The following FANCD2 variants were observed in gnomAD, a reference collection of about 807,000 sequenced individuals.
The protein encoded by FANCD2 is FA complementation group D2.
A neutral mutation model predicts 192.3 loss-of-function variants in FANCD2; 131 were observed. That is an observed-to-expected ratio of 0.68 (90% CI 0.59 to 0.79). FANCD2 has a LOEUF of 0.79. Among genes scored for constraint, FANCD2 ranks in the 30% least tolerant of loss-of-function variants. The pLI, the probability that FANCD2 is intolerant of heterozygous loss-of-function variation, is 0.00. For synonymous variants in FANCD2, 524 were observed against 612.5 expected (o/e 0.86, Z 2.13); for missense variants, 1,508 against 1,701.6 (o/e 0.89, Z 2.00).
chr3:10,099,723 A>G (rs1255924009), intron 43 of FANCD2: 1 of 152,444 alleles, frequency 6.6e-6, no homozygotes, highest in Non-Finnish European at 1.5e-5. Context: ...ATGCTACTGC[A>G]CTCCAGCCTG....
Position 10,035,158 on chromosome 3 carries a change from C to CTT in FANCD2, c.378-6_378-5dup, listed in dbSNP as rs55973240. On this transcript the variant is annotated splice_polypyrimidine_tract_variant and intron_variant, in intron 5 of 43. Coordinates refer to ENST00000675286, the MANE Select transcript of FANCD2 (RefSeq NM_001018115.3). ...GGAAAGCAAAGTGGAAAACAGATTT[C>CTT]TTTTTTTTTTACAGTATGGGTGCAT... 7 of 1,435,516 alleles carry CTT rather than the reference C, an allele frequency of 4.9e-6. No individual in the cohort carries two copies. In the Admixed American group the frequency reaches 7.3e-5, roughly 15 times the overall value. 88.9% of individuals were successfully genotyped at this position (1,435,516 alleles called of 1,614,324 possible).
At position 10,043,087 on chromosome 3, in the gene FANCD2, A is replaced by G; in HGVS notation, c.926A>G (p.His309Arg). 10 of 1,614,130 alleles carry G rather than the reference A, an allele frequency of 6.2e-6. No individual in the cohort carries two copies. Among genetic ancestry groups the G allele is most frequent in the Non-Finnish European group, 8.5e-6 (10 of 1,180,018 alleles). The change falls in exon 12 of 44, where the codon CAT (histidine) becomes CGT (arginine). Residue 309 changes from histidine (H) to arginine (R), a missense_variant. Physicochemically the swap from His to Arg is conservative, Grantham distance 29 (BLOSUM62 0). This residue lies in a region of FANCD2 where 435 missense variants were observed against 421.9 expected (regional missense o/e 1.03). Coordinates refer to ENST00000675286, the MANE Select transcript of FANCD2 (RefSeq NM_001018115.3). ...SELREKLDLQ[H>R]CVLPSRLQAS... ...CTTCGGGAGAAGTTGGATCTGCAGC[A>G]TTGTGTTTTGCCATCACGGTTACAG...
At position 10,093,780 on chromosome 3, in the gene FANCD2, A is replaced by G. The variant is rs1303350693; in HGVS notation, c.3888+457A>G. On this transcript the variant is annotated intron_variant, in intron 39 of 43. Coordinates refer to ENST00000675286, the MANE Select transcript of FANCD2 (RefSeq NM_001018115.3). ...AGTCCAGTCAGAATGTTATGGGGAG[A>G]ATGCTACTTCGCCACTCCTCAAGTT... Among the ~76,000 whole-genome samples, 4 of 152,158 alleles carry G rather than the reference A, an allele frequency of 2.6e-5. No individual in the cohort carries two copies. In the East Asian group the frequency reaches 7.7e-4, roughly 29 times the overall value.
rs1324568197 is a variant in FANCD2, at chr3:10,062,159, C to T, written c.1775C>T (p.Ser592Leu). The part of the protein sequence containing the change: ...AGIMAADRSE[S>L]PSLTQERANL... ...AAATTCTTTGTTTTTAGAAGTGAATCACCTAGTTTGACCCAAGAGAGAGCC... is the reference window on the plus strand; with the variant it reads ...AAATTCTTTGTTTTTAGAAGTGAATTACCTAGTTTGACCCAAGAGAGAGCC... The change falls in exon 20 of 44, where the codon TCA becomes TTA. Residue 592 changes from serine to leucine, a missense_variant. Around this residue, in one of 5 missense-constraint regions of FANCD2, gnomAD observed 110 missense variants for 114.4 expected, o/e 0.96. Coordinates refer to ENST00000675286, the MANE Select transcript of FANCD2 (RefSeq NM_001018115.3). 2 of 1,611,106 alleles carry T rather than the reference C, an allele frequency of 1.2e-6. No homozygotes were observed. Among genetic ancestry groups the T allele is most frequent in the Non-Finnish European group, 1.7e-6 (2 of 1,178,328 alleles).
At chr3:10,057,398 C>G (rs2087444695) in intron 18 of FANCD2, among the ~76,000 whole-genome samples, 1 of 149,700 alleles carries the variant, frequency 6.7e-6, no homozygotes, top group Non-Finnish European at 1.5e-5. Flanking sequence ...TGGAGTCTCA[C>G]TCTGTCACTA....
intron 29 of FANCD2, among the ~76,000 whole-genome samples, chr3:10,075,953 G>C (rs369796065): frequency 4.0e-5 from 6 of 151,394 alleles, no homozygotes; most frequent in African/African-American, 1.2e-4. Context: ...GGATGGTCTC[G>C]ATCTCCTGAC....
At position 10,043,000 on chromosome 3, in the gene FANCD2, T is replaced by TA. The variant is rs773749486; in HGVS notation, c.889-49dup. The TA allele has an allele frequency of 8.8e-6, 13 of 1,475,730 alleles. No homozygotes were observed. The African/African-American group carries it at 1.8e-4, about 20-fold the overall frequency. 91.4% of individuals were successfully genotyped at this position (1,475,730 alleles called of 1,614,324 possible). On this transcript the variant is annotated intron_variant, in intron 11 of 43. Transcript: ENST00000675286. ...CATGGTAGAGAGACTGGACTGTGCC[T>TA]ACCCACTATGAATGAGCAGAAAACC...
chr3:10,055,427 T>C (rs2087379550), intron 18 of FANCD2, among the ~76,000 whole-genome samples: 1 of 152,240 alleles, frequency 6.6e-6, no homozygotes, highest in Admixed American at 6.6e-5. Context: ...ATGTATCCTT[T>C]TGCGTCTCGC....
At chr3:10,078,656 A>T (rs1018536448) in intron 30 of FANCD2, among the ~76,000 whole-genome samples, 8 of 148,004 alleles carry the variant, frequency 5.4e-5, no homozygotes, top group Non-Finnish European at 1.0e-4. Flanking sequence ...GCCCGGCCTC[A>T]TCTTGCTTTA....
rs1251869263 is a variant in FANCD2 at position 10,041,615 on chromosome 3, AT to A, written c.696-6del. On this transcript the variant is annotated splice_polypyrimidine_tract_variant and splice_region_variant and intron_variant, in intron 9 of 43. Transcript: ENST00000675286. ...TATACAACTTTTTTCTTTTTCTACC[AT>A]TCACAGTGACCTACTGATAGAGAAT... is the stretch of plus-strand genomic sequence containing the variant. 6.2e-7 allele frequency: 1 copy of A among 1,603,866 alleles called. No individual in the cohort carries two copies. Among genetic ancestry groups the A allele is most frequent in the Non-Finnish European group, 8.5e-7 (1 of 1,170,972 alleles).
chr3:10,063,429 T>C (rs2087623721), intron 20 of FANCD2, among the ~76,000 whole-genome samples: 1 of 152,094 alleles, frequency 6.6e-6, no homozygotes, highest in Non-Finnish European at 1.5e-5. Context: ...AGAGCAAGGC[T>C]CCATCTCAAA....
chr3:10,075,431 G>A (rs1188704339), intron 29 of FANCD2, among the ~76,000 whole-genome samples: 1 of 152,028 alleles, frequency 6.6e-6, no homozygotes, highest in Non-Finnish European at 1.5e-5. Context: ...GTGATCACCC[G>A]CCTTGGCCTC....
In FANCD2 at chr3:10,066,255, G is replaced by A. The variant is rs1183652647; in HGVS notation, c.2385+276G>A. Among the ~76,000 whole-genome samples, 7 of 152,206 alleles carry A rather than the reference G, an allele frequency of 4.6e-5. No homozygotes were observed. In the East Asian group the frequency reaches 7.7e-4, roughly 17 times the overall value. On this transcript the variant is annotated intron_variant, in intron 25 of 43. Transcript: ENST00000675286. ...CACCTTCACTGTGGAACTACTGTTCGTCCTGGCACAGGCATATGCCTACTG... is the reference window on the plus strand; with the variant it reads ...CACCTTCACTGTGGAACTACTGTTCATCCTGGCACAGGCATATGCCTACTG...
intron 25 of FANCD2, 99 bp from the exon 26 acceptor site, chr3:10,067,110 C>G (rs1304797977): frequency 1.6e-5 from 13 of 818,828 alleles, no homozygotes; most frequent in Non-Finnish European, 2.7e-5. Context: ...ACTCAAAGAT[C>G]TTGCTTTTCA....
intron 2 of FANCD2, among the ~76,000 whole-genome samples, chr3:10,031,753 A>T (rs1390673965): frequency 1.3e-5 from 2 of 152,214 alleles, no homozygotes; most frequent in Non-Finnish European, 2.9e-5. Flanking sequence ...TTTGGTGTGT[A>T]TCAGGATTAT....
chr3:10,056,023 C>G (rs2087400925), intron 18 of FANCD2, among the ~76,000 whole-genome samples: 1 of 151,874 alleles, frequency 6.6e-6, no homozygotes, highest in African/African-American at 2.4e-5. Flanking sequence ...GGATTATAGG[C>G]ACGCACCACC....
intron 2 of FANCD2, among the ~76,000 whole-genome samples, chr3:10,030,014 T>C (rs764813313): frequency 2.6e-5 from 4 of 152,038 alleles, no homozygotes; most frequent in Admixed American, 6.5e-5. Flanking sequence ...CTGGAACTCC[T>C]GACCTCAAGT....
rs1381310677 is a variant in FANCD2, at chr3:10,096,317, T to C, written c.4039-9T>C. 6.2e-7 allele frequency: 1 copy of C among 1,613,860 alleles called. No homozygotes were observed. Among genetic ancestry groups the C allele is most frequent in the Admixed American group, 1.7e-5 (1 of 60,022 alleles). On this transcript the variant is annotated splice_polypyrimidine_tract_variant and intron_variant, in intron 41 of 43. Coordinates refer to ENST00000675286, the MANE Select transcript of FANCD2 (RefSeq NM_001018115.3). ...TCACAAAAGATGGATGTTATTTATT[T>C]CCATTCAGATTCACCAGGACACGAG...
At chr3:10,087,105 A>C in intron 33 of FANCD2, 29 bp from the exon 34 acceptor site, 1 of 1,613,290 alleles carries the variant, frequency 6.2e-7, no homozygotes. Context: ...ATACTATTGC[A>C]TTTGTTTGTT....
Sources: allele counts gnomAD v4.1 joint callset (sites outside exome capture counted in the v4.1 genomes callset), GRCh38; gene constraint gnomAD v4.1.1; regional missense constraint gnomAD v4.1.1; transcripts MANE v1.5; gene names NCBI Gene and HGNC (gene_info 2026-07-23, HGNC 2026-07-21).